Variants in VAV3 observed in about 807,000 individuals in gnomAD.
VAV3 encodes the protein guanine nucleotide exchange factor VAV3.
VAV3 carries 94 observed loss-of-function variants against 131.2 expected under a neutral mutation model. That is an observed-to-expected ratio of 0.72 (90% CI 0.61 to 0.85). The LOEUF is 0.85. VAV3 is among the 40% of genes least tolerant of loss of function. VAV3 has a pLI of 0.00. For synonymous variants in VAV3, 349 were observed against 342.0 expected (o/e 1.02, Z -0.22); for missense variants, 939 against 1,002.7 (o/e 0.94, Z 0.86).
At chr1:107,794,528 A>G (rs1057250421) in intron 2 of VAV3, among the ~76,000 whole-genome samples, 9 of 152,202 alleles carry the variant, frequency 5.9e-5, no homozygotes, top group African/African-American at 2.2e-4. Context: ...TTTCATTTTG[A>G]GATTCCCTTC....
At chr1:107,639,904 C>A (rs75614459) in intron 20 of VAV3, among the ~76,000 whole-genome samples, 20,564 of 150,684 alleles carry the variant, frequency 0.14, 1,490 homozygotes, top group Non-Finnish European at 0.16. Context: ...ACCACACACT[C>A]CAGCCTGGGC....
intron 8 of VAV3, among the ~76,000 whole-genome samples, chr1:107,765,999 C>G (rs1030716860): frequency 6.6e-6 from 1 of 152,074 alleles, no homozygotes; most frequent in Non-Finnish European, 1.5e-5. Flanking sequence ...GGGAAACTGA[C>G]TCTGCGAATC....
chr1:107,708,622 G>T (rs1378326607), intron 15 of VAV3, among the ~76,000 whole-genome samples: 4 of 152,028 alleles, frequency 2.6e-5, no homozygotes, highest in African/African-American at 4.8e-5. Context: ...TTTCCCCCTA[G>T]CCTGGACCTC....
At chr1:107,607,967 G>C (rs937025119) in intron 22 of VAV3, among the ~76,000 whole-genome samples, 1 of 152,078 alleles carries the variant, frequency 6.6e-6, no homozygotes, top group African/African-American at 2.4e-5. Flanking sequence ...TTTTCTGGGG[G>C]AGTTGATCAT....
chr1:107,702,562 T>C (rs1243117955), intron 17 of VAV3, among the ~76,000 whole-genome samples: 3 of 152,174 alleles, frequency 2.0e-5, no homozygotes, highest in South Asian at 4.1e-4. Flanking sequence ...ACAGAGTACA[T>C]TGAAATAATT....
rs185749118 is a variant in VAV3 at position 107,900,442 on chromosome 1, G to A, written c.205-25425C>T. ...GTTTTTAGGCCTTCAACTCTTAACA[G>A]GGAGAACATGAGAAGTTTCTCTTCC... On this transcript the variant is annotated intron_variant, in intron 1 of 26. Coordinates refer to ENST00000370056, the MANE Select transcript of VAV3 (RefSeq NM_006113.5). Among the ~76,000 whole-genome samples the A allele has an allele frequency of 1.9e-3, 292 of 152,264 alleles. 3 individuals are homozygous for A. The highest frequency in any genetic ancestry group is 6.9e-3 in the African/African-American group (288 of 41,554).
chr1:107,816,999 C>T (rs1011444530), intron 2 of VAV3, among the ~76,000 whole-genome samples: 3 of 152,210 alleles, frequency 2.0e-5, no homozygotes, highest in African/African-American at 7.2e-5. Context: ...CACACCCTCA[C>T]ACCAAGCACC....
chr1:107,840,010 G>A (rs377452810), intron 2 of VAV3, among the ~76,000 whole-genome samples: 3 of 152,094 alleles, frequency 2.0e-5, no homozygotes, highest in African/African-American at 4.8e-5. Flanking sequence ...TAAAGAAGTC[G>A]AATTAATAAT....
At chr1:107,621,828 C>T (rs1166319531) in intron 20 of VAV3, among the ~76,000 whole-genome samples, 1 of 152,132 alleles carries the variant, frequency 6.6e-6, no homozygotes, top group Non-Finnish European at 1.5e-5. Flanking sequence ...ACTTAGGTGT[C>T]ATCTGATATA....
chr1:107,840,186 TTGTAATGTTGTAAA>T (rs1184590410), intron 2 of VAV3, among the ~76,000 whole-genome samples: 27 of 152,296 alleles, frequency 1.8e-4, no homozygotes, highest in Middle Eastern at 3.4e-3. Context: ...CCTGTAAATG[TTGTAATGTTGTAAA>T]TGTAATGTTG....
chr1:107,866,143 T>G (rs932036997), intron 2 of VAV3, among the ~76,000 whole-genome samples: 24 of 152,150 alleles, frequency 1.6e-4, no homozygotes, highest in African/African-American at 5.3e-4. Context: ...GCACTTGACC[T>G]CAGTGTCTGC....
chr1:107,648,226 A>G (rs1655884111), intron 19 of VAV3, among the ~76,000 whole-genome samples: 1 of 152,080 alleles, frequency 6.6e-6, no homozygotes, highest in Non-Finnish European at 1.5e-5. Context: ...AAAAACAAGG[A>G]TGAGGCAGAG....
In VAV3 at chr1:107,655,230, A is replaced by C. The variant is rs1009177178; in HGVS notation, c.1778-12475T>G. ...ACTACCTGACTTCAAAATATAATAC[A>C]AATCTATAGTAGCCAAATCAGCATG... On this transcript the variant is annotated intron_variant, in intron 19 of 26. Transcript: ENST00000370056. Among the ~76,000 whole-genome samples, 5 of 152,260 alleles carry C rather than the reference A, an allele frequency of 3.3e-5. No homozygotes were observed. The South Asian group carries it at 6.2e-4, about 19-fold the overall frequency.
chr1:107,644,700 G>T (rs1164282311), intron 19 of VAV3, among the ~76,000 whole-genome samples: 1 of 151,990 alleles, frequency 6.6e-6, no homozygotes, highest in Non-Finnish European at 1.5e-5. Flanking sequence ...TTCACAGAGT[G>T]TTTAGGAAAA....
rs187596174 is a variant in VAV3, at chr1:107,603,039, C to A, written c.2132+8G>T. The A allele has an allele frequency of 8.9e-5, 142 of 1,592,686 alleles. No homozygotes were observed. In the Admixed American group the frequency reaches 2.4e-3, roughly 26 times the overall value. On this transcript the variant is annotated splice_region_variant and intron_variant, in intron 23 of 26. Transcript: ENST00000370056. ...ATCTATTTCTGTAAAAGTACTTGTC[C>A]TACTTACTTAATGCTAATTGCATAT...
At chr1:107,751,763 T>A (rs1200722377) in intron 12 of VAV3, among the ~76,000 whole-genome samples, 2 of 152,220 alleles carry the variant, frequency 1.3e-5, no homozygotes, top group East Asian at 1.9e-4. Flanking sequence ...AGTTAATTAT[T>A]TAAAATAATG....
rs940914073 is a variant in VAV3, at chr1:107,635,012, A to G, written c.1914+7607T>C. ...TGTGGAGAAATAGGAACACTTTTAC[A>G]CTGTTGGTGGGACTGTAAACTAGTT... On this transcript the variant is annotated intron_variant, in intron 20 of 26. Transcript: ENST00000370056. Among the ~76,000 whole-genome samples, 187 of 151,862 alleles carry G rather than the reference A, an allele frequency of 1.2e-3. 1 individual carries two copies. Among genetic ancestry groups the G allele is most frequent in the African/African-American group, 3.9e-3 (160 of 41,428 alleles).
intron 2 of VAV3, among the ~76,000 whole-genome samples, chr1:107,819,210 TAGAAAC>T (rs1176018191): frequency 6.6e-6 from 1 of 152,164 alleles, no homozygotes; most frequent in Non-Finnish European, 1.5e-5. Context: ...ATCAACCTCT[TAGAAAC>T]AGAAATTCTT....
At chr1:107,708,632 C>T (rs747112290) in intron 15 of VAV3, among the ~76,000 whole-genome samples, 1 of 152,148 alleles carries the variant, frequency 6.6e-6, no homozygotes, top group Non-Finnish European at 1.5e-5. Context: ...GCCTGGACCT[C>T]TTTGTTCTCC....
Sources: allele counts gnomAD v4.1 joint callset (sites outside exome capture counted in the v4.1 genomes callset), GRCh38; gene constraint gnomAD v4.1.1; transcripts MANE v1.5; gene names NCBI Gene and HGNC (gene_info 2026-07-23, HGNC 2026-07-21).